CFTR: variants seen among roughly 807,000 people sequenced by gnomAD.
CFTR encodes cystic fibrosis transmembrane conductance regulator.
CFTR carries 181 observed loss-of-function variants against 171.6 expected under a neutral mutation model. The ratio of observed to expected loss-of-function variants is 1.05; its 90% CI spans 0.93 to 1.19. The LOEUF (loss-of-function observed/expected upper bound fraction) is 1.19, where lower values mean the gene tolerates loss of function less well. CFTR is among the 50% of genes most tolerant of loss of function. CFTR has a pLI of 0.00. For missense variants in CFTR, 1,968 were observed against 1,734.7 expected (o/e 1.13, Z -2.39); for synonymous variants, 583 against 608.0 (o/e 0.96, Z 0.60).
chr7:117,498,628 T>C (rs1798274889), intron 1 of CFTR, among the ~76,000 whole-genome samples: 1 of 152,150 alleles, frequency 6.6e-6, no homozygotes, highest in Admixed American at 6.5e-5. Flanking sequence ...CAAAATGTTA[T>C]TTATGATTTT....
At chr7:117,625,025 C>G (rs376361292) in intron 21 of CFTR, among the ~76,000 whole-genome samples, 3 of 152,290 alleles carry the variant, frequency 2.0e-5, no homozygotes, top group South Asian at 2.1e-4. Context: ...TAGCTGTCCA[C>G]ATCTATTCAG....
intron 1 of CFTR, among the ~76,000 whole-genome samples, chr7:117,502,013 G>C (rs1002406348): frequency 2.6e-5 from 4 of 152,166 alleles, no homozygotes; most frequent in African/African-American, 9.6e-5. Flanking sequence ...TGATGACGAT[G>C]AGAGTATTTA....
intron 11 of CFTR, among the ~76,000 whole-genome samples, chr7:117,562,383 G>A (rs1310340435): frequency 6.6e-6 from 1 of 152,000 alleles, no homozygotes; most frequent in East Asian, 1.9e-4. Flanking sequence ...TTGACAAAGT[G>A]GTATAAAAGA....
At chr7:117,600,547 C>A (rs745585395) in intron 15 of CFTR, among the ~76,000 whole-genome samples, 26 of 151,958 alleles carry the variant, frequency 1.7e-4, no homozygotes, top group Non-Finnish European at 3.7e-4. Context: ...AGTGGCTTTA[C>A]ATTATTAGTA....
intron 11 of CFTR, among the ~76,000 whole-genome samples, chr7:117,566,584 T>C (rs1791605907): frequency 6.8e-6 from 1 of 147,030 alleles, no homozygotes; most frequent in Non-Finnish European, 1.5e-5. Flanking sequence ...TTTACTGTAA[T>C]ATGAAGCAAT....
chr7:117,536,623 G>C lies in CFTR; in HGVS notation c.819G>C (p.Lys273Asn). 6.2e-7 allele frequency: 1 copy of C among 1,611,466 alleles called. No homozygotes were observed. The highest frequency in any genetic ancestry group is 8.5e-7 in the Non-Finnish European group (1 of 1,178,926). Reference protein sequence around the residue: ...SEMIENIQSVKAYCWEEAMEK... With the variant: ...SEMIENIQSVNAYCWEEAMEK... ...TGATTGAAAATATCCAATCTGTTAA[G>C]GCATACTGCTGGGAAGAAGCAATGG... The change falls in exon 7 of 27, where the codon AAG becomes AAC. Residue 273 changes from lysine (K) to asparagine (N), a missense_variant. Transcript: ENST00000003084.
intron 11 of CFTR, among the ~76,000 whole-genome samples, chr7:117,578,404 A>G (rs955657600): frequency 2.6e-5 from 4 of 152,172 alleles, no homozygotes; most frequent in Non-Finnish European, 5.9e-5. Context: ...AATATAGTAT[A>G]TAATACATAT....
chr7:117,518,765 A>C (rs1420289125), intron 3 of CFTR, among the ~76,000 whole-genome samples: 1 of 151,802 alleles, frequency 6.6e-6, no homozygotes, highest in Non-Finnish European at 1.5e-5. Context: ...TCTCTACCTA[A>C]GTGCACAAAT....
chr7:117,495,564 A>T (rs1017041904), intron 1 of CFTR, among the ~76,000 whole-genome samples: 7 of 152,168 alleles, frequency 4.6e-5, no homozygotes, highest in Non-Finnish European at 8.8e-5. Context: ...ATCTGAAGTC[A>T]TAAATTCATA....
At chr7:117,563,937 A>T (rs1437740148) in intron 11 of CFTR, among the ~76,000 whole-genome samples, 1 of 152,072 alleles carries the variant, frequency 6.6e-6, no homozygotes, top group Non-Finnish European at 1.5e-5. Flanking sequence ...CTTGTATTTT[A>T]AAAAAATGTA....
At chr7:117,640,647 C>T (rs1189059271) in intron 22 of CFTR, among the ~76,000 whole-genome samples, 2 of 152,118 alleles carry the variant, frequency 1.3e-5, no homozygotes, top group Non-Finnish European at 2.9e-5. Flanking sequence ...GTTGCTTATA[C>T]AACACTTTAC....
rs557602723 is a variant in CFTR at position 117,530,847 on chromosome 7, A to G, written c.274-52A>G. 11 of 1,232,810 alleles carry G rather than the reference A, an allele frequency of 8.9e-6. No individual in the cohort carries two copies. The African/African-American group carries it at 1.2e-4, about 13-fold the overall frequency. The allele number at this position is 1,232,810 out of a possible 1,614,324, so 76.4% of individuals were successfully genotyped here. A position where few individuals can be genotyped will look rare whatever the true frequency, so the allele number is the denominator to read the frequency against. The stretch of plus-strand genomic sequence containing the variant: ...AGTCTTGTGTTGAAATTCTCAGGGT[A>G]TTTTATGAGAAATAAATGAAATTTA... On this transcript the variant is annotated intron_variant, in intron 3 of 26. Coordinates refer to ENST00000003084, the MANE Select transcript of CFTR (RefSeq NM_000492.4).
chr7:117,600,619 T>C (rs1417403081), intron 15 of CFTR, among the ~76,000 whole-genome samples: 1 of 152,040 alleles, frequency 6.6e-6, no homozygotes, highest in Non-Finnish European at 1.5e-5. Context: ...GTAATAATTT[T>C]AGGGCAGCTT....
At chr7:117,617,547 C>T (rs35836271) in intron 21 of CFTR, among the ~76,000 whole-genome samples, 5,493 of 151,822 alleles carry the variant, frequency 0.036, 137 homozygotes, top group African/African-American at 0.047. Flanking sequence ...ATAATTCCAA[C>T]CCCTGCAGCC....
intron 1 of CFTR, among the ~76,000 whole-genome samples, chr7:117,486,347 G>A (rs2283054): frequency 0.11 from 17,420 of 152,096 alleles, 1,574 homozygotes; most frequent in East Asian, 0.46. Context: ...CGTTAAGAAG[G>A]TAGAGGTGGC....
At chr7:117,587,131 GA>G (rs1164638954) in intron 11 of CFTR, among the ~76,000 whole-genome samples, 1 of 152,126 alleles carries the variant, frequency 6.6e-6, no homozygotes, top group African/African-American at 2.4e-5. Flanking sequence ...AGGATGACAG[GA>G]GGGGCAGAAT....
Position 117,647,679 on chromosome 7 carries a change from CAA to C in CFTR, c.3873+5100_3873+5101del, listed in dbSNP as rs71788584. Among the ~76,000 whole-genome samples, 467 of 142,814 alleles carry C rather than the reference CAA, an allele frequency of 3.3e-3. 3 individuals are homozygous for C. Among genetic ancestry groups the C allele is most frequent in the African/African-American group, 0.01 (394 of 39,022 alleles). 93.7% of individuals were successfully genotyped at this position (142,814 alleles called of 152,430 possible). A position where few individuals can be genotyped will look rare whatever the true frequency, so the allele number is the denominator to read the frequency against. On this transcript the variant is annotated intron_variant, in intron 23 of 26. Transcript: ENST00000003084. ...TCCAAACCATACCACCAGCTAATAC[CAA>C]AAAAAAAAAAAAATTTTTTTTTTAA...
Position 117,542,039 on chromosome 7 carries a change from T to C in CFTR, c.1140T>C (p.Tyr380=). 6.3e-7 allele frequency: 1 copy of C among 1,575,816 alleles called. No homozygotes were observed. The highest frequency in any genetic ancestry group is 8.7e-7 in the Non-Finnish European group (1 of 1,145,390). ...AGGATTTCTTACAAAAGCAAGAATA[T>C]AAGACATTGGAATATAACTTAACGA... is the stretch of plus-strand genomic sequence containing the variant. The part of the protein sequence containing the change: ...KIQDFLQKQE[Y]KTLEYNLTTT... The change falls in exon 9 of 27, where the codon TAT becomes TAC. Residue 380 remains tyrosine, a synonymous_variant. Transcript: ENST00000003084.
At chr7:117,610,435 AAAAG>A (rs1302009971) in intron 18 of CFTR, 80 bp from the exon 19 acceptor site, 3 of 1,290,380 alleles carry the variant, frequency 2.3e-6, no homozygotes, top group Non-Finnish European at 2.2e-6. Context: ...CAAAAAAAAA[AAAAG>A]AAATAAATCA....
Sources: allele counts gnomAD v4.1 joint callset (sites outside exome capture counted in the v4.1 genomes callset), GRCh38; gene constraint gnomAD v4.1.1; transcripts MANE v1.5; gene names NCBI Gene and HGNC (gene_info 2026-07-23, HGNC 2026-07-21).